SLC9A2: variants seen among roughly 807,000 people sequenced by gnomAD.
The protein encoded by SLC9A2 is solute carrier family 9 member A2.
Under a neutral mutation model 71.7 loss-of-function variants are expected in SLC9A2, and 42 were observed. The ratio of observed to expected loss-of-function variants is 0.59; its 90% CI spans 0.46 to 0.76. The LOEUF (loss-of-function observed/expected upper bound fraction) is 0.76. Ranked by LOEUF, SLC9A2 falls within the 30% of genes least tolerant of loss-of-function variation. The pLI, the probability that SLC9A2 is intolerant of heterozygous loss-of-function variation, is 0.00. For synonymous variants in SLC9A2, 396 were observed against 392.5 expected (o/e 1.01, Z -0.10); for missense variants, 829 against 1,017.4 (o/e 0.81, Z 2.52).
chr2:102,630,095 A>T (rs1676329149), intron 1 of SLC9A2, among the ~76,000 whole-genome samples: 1 of 152,126 alleles, frequency 6.6e-6, no homozygotes, highest in African/African-American at 2.4e-5. Flanking sequence ...GTCATAATTC[A>T]TATTTGGACT....
At chr2:102,702,834 C>T (rs550720551) in intron 9 of SLC9A2, among the ~76,000 whole-genome samples, 9 of 152,262 alleles carry the variant, frequency 5.9e-5, no homozygotes, top group African/African-American at 1.9e-4. Flanking sequence ...TGGACCTCAC[C>T]CTCCTTGTTA....
intron 8 of SLC9A2, among the ~76,000 whole-genome samples, chr2:102,702,147 C>G (rs953941680): frequency 6.6e-6 from 1 of 152,124 alleles, no homozygotes; most frequent in East Asian, 1.9e-4. Context: ...GCATTATAAG[C>G]CATTGTAGTT....
chr2:102,654,195 C>CTTTT (rs34248413), intron 1 of SLC9A2, among the ~76,000 whole-genome samples: 917 of 89,518 alleles, frequency 0.01, 56 homozygotes, highest in African/African-American at 0.037. Context: ...TTGGCTGACT[C>CTTTT]TTTTTTTTTT....
At chr2:102,703,168 A>C (rs1424431210) in intron 9 of SLC9A2, among the ~76,000 whole-genome samples, 1 of 152,228 alleles carries the variant, frequency 6.6e-6, no homozygotes, top group East Asian at 1.9e-4. Context: ...GTGTCCCCAT[A>C]AGGTGTCCCC....
rs939029757 is a variant in SLC9A2 at position 102,709,600 on chromosome 2, A to T, written c.*1111A>T. 1 of 152,800 alleles carries T rather than the reference A, an allele frequency of 6.5e-6. No individual in the cohort carries two copies. Among genetic ancestry groups the T allele is most frequent in the African/African-American group, 2.4e-5 (1 of 41,468 alleles). 9.5% of individuals were successfully genotyped at this position (152,800 alleles called of 1,614,324 possible). On this transcript the variant is annotated 3_prime_UTR_variant, in exon 12 of 12. Transcript: ENST00000233969. ...CAGGAAGCACTTTGGAGAATGTGGG[A>T]GTCCTACTGTTTTGCACTAGTCTGT...
Position 102,620,037 on chromosome 2 carries a change from C to G in SLC9A2, c.189C>G (p.Phe63Leu), listed in dbSNP as rs541450881. ...ASVVAPGTTL[F>L]EESRLPVFTL... The stretch of plus-strand genomic sequence containing the variant: ...TGGTGGCTCCCGGAACGACGCTGTT[C>G]GAGGAGAGCCGGCTGCCTGTGTTTA... Residue 63 changes from phenylalanine (F) to leucine (L), a missense_variant, in exon 1 of 12, where the codon TTC becomes TTG. Physicochemically the swap from Phe to Leu is conservative, Grantham distance 22. Transcript: ENST00000233969. 6 of 1,613,922 alleles carry G rather than the reference C, an allele frequency of 3.7e-6. No individual in the cohort carries two copies. Among genetic ancestry groups the G allele is most frequent in the South Asian group, 3.3e-5 (3 of 91,064 alleles).
chr2:102,691,650 G>A (rs2215944), intron 5 of SLC9A2, among the ~76,000 whole-genome samples: 17 of 152,160 alleles, frequency 1.1e-4, no homozygotes, highest in South Asian at 2.1e-4. Flanking sequence ...AAAGGGCGAC[G>A]ATTAAAAGGG....
At chr2:102,691,314 G>A (rs190216029) in intron 5 of SLC9A2, among the ~76,000 whole-genome samples, 1 of 152,266 alleles carries the variant, frequency 6.6e-6, no homozygotes, top group East Asian at 1.9e-4. Context: ...TGTATGGATG[G>A]TAGCAAGCTC....
At chr2:102,650,154 T>A (rs12053191) in intron 1 of SLC9A2, among the ~76,000 whole-genome samples, 7,551 of 152,172 alleles carry the variant, frequency 0.05, 559 homozygotes, top group African/African-American at 0.16. Flanking sequence ...AAAGAATGAG[T>A]TCATGTCCTT....
At chr2:102,699,441 C>T (rs1677831813) in intron 7 of SLC9A2, among the ~76,000 whole-genome samples, 3 of 152,170 alleles carry the variant, frequency 2.0e-5, no homozygotes, top group Admixed American at 1.3e-4. Context: ...AGGACAGTTA[C>T]ATCATTAGAC....
At chr2:102,653,041 A>G (rs1573409115) in intron 1 of SLC9A2, among the ~76,000 whole-genome samples, 2 of 152,324 alleles carry the variant, frequency 1.3e-5, no homozygotes, top group Admixed American at 6.5e-5. Flanking sequence ...TACTTAGCTG[A>G]TGAGTTTTAC....
intron 1 of SLC9A2, among the ~76,000 whole-genome samples, chr2:102,621,352 G>GAAAAAA (rs768118079): frequency 1.8e-5 from 2 of 109,530 alleles, no homozygotes; most frequent in East Asian, 2.8e-4. Flanking sequence ...TTGTCTCAGG[G>GAAAAAA]AAAAAAAAAA....
intron 1 of SLC9A2, among the ~76,000 whole-genome samples, chr2:102,655,354 A>G (rs189008187): frequency 1.3e-5 from 2 of 152,022 alleles, no homozygotes; most frequent in African/African-American, 4.8e-5. Context: ...GGATTTCACC[A>G]TGTTGGCCAA....
chr2:102,710,079 T>C lies in SLC9A2; in HGVS notation c.*1590T>C, dbSNP rs548509435. 1.3e-5 allele frequency: 2 copies of C among 152,886 alleles called. No homozygotes were observed. The highest frequency in any genetic ancestry group is 2.9e-5 in the Non-Finnish European group (2 of 68,042). The allele number at this position is 152,886 out of a possible 1,614,324, so 9.5% of individuals were successfully genotyped here. A position where few individuals can be genotyped will look rare whatever the true frequency, so the allele number is the denominator to read the frequency against. ...AAGTCTTAGAATACTGCTGGATTGT[T>C]GAGCATGAGACAGAGCAAAGGTTAG... On this transcript the variant is annotated 3_prime_UTR_variant, in exon 12 of 12. Transcript: ENST00000233969.
intron 3 of SLC9A2, among the ~76,000 whole-genome samples, chr2:102,670,659 G>C (rs997529286): frequency 1.3e-5 from 2 of 149,048 alleles, no homozygotes; most frequent in African/African-American, 5.0e-5. Flanking sequence ...TTGTAAATGA[G>C]GAAATTTGTA....
At chr2:102,632,343 C>T (rs892547324) in intron 1 of SLC9A2, among the ~76,000 whole-genome samples, 2 of 148,320 alleles carry the variant, frequency 1.3e-5, no homozygotes, top group African/African-American at 5.1e-5. Flanking sequence ...GTTACTTTTA[C>T]AGCAAAAGAG....
Position 102,619,820 on chromosome 2 carries a change from G to A in SLC9A2, c.-29G>A. ...TTGAGCGCTCGGAGGGCCAACCGCC[G>A]GTCCCCTTGGCGGCAACCGGCGGCA... On this transcript the variant is annotated 5_prime_UTR_variant, in exon 1 of 12. Coordinates refer to ENST00000233969, the MANE Select transcript of SLC9A2 (RefSeq NM_003048.6). This position sits in a 1 kb window ranked among gnomAD's most constrained non-coding sequence, Gnocchi z 4.3. 1.4e-6 allele frequency: 2 copies of A among 1,463,844 alleles called. No individual in the cohort carries two copies. Among genetic ancestry groups the A allele is most frequent in the East Asian group, 2.5e-5 (1 of 40,714 alleles). The allele number at this position is 1,463,844 out of a possible 1,614,324, so 90.7% of individuals were successfully genotyped here.
chr2:102,619,709 G>T lies in SLC9A2; in HGVS notation c.-140G>T, dbSNP rs1181531432. On this transcript the variant is annotated 5_prime_UTR_variant, in exon 1 of 12. Coordinates refer to ENST00000233969, the MANE Select transcript of SLC9A2 (RefSeq NM_003048.6). This position sits in a 1 kb window ranked among gnomAD's most constrained non-coding sequence, Gnocchi z 4.3. ...CCTAGCCCTCTGGTTGCAGAGACCC[G>T]GTGCCGCAGCAGCGGCGGGTGGCTG... 2 of 686,498 alleles carry T rather than the reference G, an allele frequency of 2.9e-6. No homozygotes were observed. Among genetic ancestry groups the T allele is most frequent in the Admixed American group, 4.2e-5 (1 of 23,960 alleles). 42.5% of individuals were successfully genotyped at this position (686,498 alleles called of 1,614,324 possible).
At position 102,683,278 on chromosome 2, in the gene SLC9A2, T is replaced by C; in HGVS notation, c.1022T>C (p.Met341Thr). Reference sequence around the variant, plus strand: ...CCTTTCAGAATCACTGCTTGTGCAATGACTATGAATAAGTACGTAGAAGAA... The same window carrying C: ...CCTTTCAGAATCACTGCTTGTGCAACGACTATGAATAAGTACGTAGAAGAA... ...SGIMAITACA[M>T]TMNKYVEENV... The change falls in exon 4 of 12, where the codon ATG (methionine) becomes ACG (threonine). Residue 341 changes from methionine (M) to threonine (T), a missense_variant. Coordinates refer to ENST00000233969, the MANE Select transcript of SLC9A2 (RefSeq NM_003048.6). The C allele has an allele frequency of 6.2e-7, 1 of 1,612,694 alleles. No homozygotes were observed. Among genetic ancestry groups the C allele is most frequent in the Non-Finnish European group, 8.5e-7 (1 of 1,178,634 alleles).
Sources: allele counts gnomAD v4.1 joint callset (sites outside exome capture counted in the v4.1 genomes callset), GRCh38; gene constraint gnomAD v4.1.1; non-coding constraint Gnocchi (gnomAD v3.1); transcripts MANE v1.5; gene names NCBI Gene and HGNC (gene_info 2026-07-23, HGNC 2026-07-21).